Variants in TIAM2 observed in about 807,000 individuals in gnomAD.
TIAM2 encodes the protein rho guanine nucleotide exchange factor TIAM2.
TIAM2 carries 80 observed loss-of-function variants against 152.9 expected under a neutral mutation model. The observed-to-expected ratio is 0.52, with a 90% CI of 0.44 to 0.63. The LOEUF is 0.63. TIAM2 is among the 30% of genes least tolerant of loss of function. The pLI is 0.00. For synonymous variants in TIAM2, 804 were observed against 838.0 expected, an observed-to-expected ratio of 0.96 and a Z score of 0.70; for missense variants, 1,965 against 2,120.1, an observed-to-expected ratio of 0.93 and a Z score of 1.44.
intron 14 of TIAM2, among the ~76,000 whole-genome samples, chr6:155,202,035 TAA>T (rs5881125): frequency 6.6e-6 from 1 of 151,984 alleles, no homozygotes; most frequent in East Asian, 1.9e-4. Context: ...GTCATAACAA[TAA>T]AAAAAAATGC....
At chr6:155,253,740 G>A (rs1414798894) in intron 24 of TIAM2, 6 of 461,516 alleles carry the variant, frequency 1.3e-5, no homozygotes, top group Admixed American at 7.9e-5. Context: ...GAGAGAGGGT[G>A]AAGGCAGTTC....
At chr6:155,090,699 G>A (rs554448606) in intron 2 of TIAM2, among the ~76,000 whole-genome samples, 5 of 152,078 alleles carry the variant, frequency 3.3e-5, no homozygotes, top group Non-Finnish European at 2.9e-5. Flanking sequence ...TTTAGTTTCC[G>A]TCCTTTTATG....
intron 11 of TIAM2, 101 bp from the exon 12 acceptor site, chr6:155,179,277 A>G: frequency 6.9e-7 from 1 of 1,441,860 alleles, no homozygotes; most frequent in Non-Finnish European, 9.7e-7. Context: ...TATAAACGGT[A>G]TCTTAACAGC....
At chr6:155,147,998 A>G (rs576879164) in intron 6 of TIAM2, 112 bp from the exon 7 acceptor site, 37 of 1,000,844 alleles carry the variant, frequency 3.7e-5, no homozygotes, top group East Asian at 1.9e-4. Flanking sequence ...AGCAGCTTGT[A>G]TGCAGTGCAA....
At chr6:155,044,951 A>G (rs1254526546) in intron 1 of TIAM2, among the ~76,000 whole-genome samples, 1 of 150,986 alleles carries the variant, frequency 6.6e-6, no homozygotes, top group Non-Finnish European at 1.5e-5. Flanking sequence ...AGCACGGTGC[A>G]TTTTATTTCT....
At chr6:155,201,414 GGTAA>G (rs1164415152) in intron 14 of TIAM2, among the ~76,000 whole-genome samples, 6 of 152,172 alleles carry the variant, frequency 3.9e-5, no homozygotes, top group Admixed American at 6.5e-5. Context: ...CATGCCTGAA[GGTAA>G]GTAAGTGTGG....
intron 1 of TIAM2, among the ~76,000 whole-genome samples, chr6:155,025,684 A>G (rs1318133685): frequency 6.6e-6 from 1 of 152,106 alleles, no homozygotes; most frequent in Non-Finnish European, 1.5e-5. Flanking sequence ...ATCAAAGTTG[A>G]AATTAATTTC....
chr6:155,008,469 TCCAGGTCTCTGAA>T (rs889615178), intron 1 of TIAM2, among the ~76,000 whole-genome samples: 3 of 152,258 alleles, frequency 2.0e-5, no homozygotes, highest in African/African-American at 7.2e-5. Flanking sequence ...CCTACTCATT[TCCAGGTCTCTGAA>T]CCAGGTTTTC....
intron 14 of TIAM2, among the ~76,000 whole-genome samples, chr6:155,192,218 C>T (rs1470563573): frequency 6.6e-6 from 1 of 152,138 alleles, no homozygotes; most frequent in African/African-American, 2.4e-5. Context: ...TAGAACACAG[C>T]CCTGTGGCCT....
chr6:155,069,415 A>T (rs1777783711), intron 1 of TIAM2, among the ~76,000 whole-genome samples: 1 of 151,614 alleles, frequency 6.6e-6, no homozygotes, highest in South Asian at 2.1e-4. Flanking sequence ...TTTATAGTAG[A>T]TTTTCCATTG....
chr6:155,235,654 A>G (rs1023217212), intron 15 of TIAM2, among the ~76,000 whole-genome samples: 1 of 152,222 alleles, frequency 6.6e-6, no homozygotes, highest in Non-Finnish European at 1.5e-5. Context: ...AGTAATCCTC[A>G]CCAACTCCCT....
At chr6:155,029,455 T>TATAATATATAG (rs1484006742) in intron 1 of TIAM2, among the ~76,000 whole-genome samples, 1 of 41,752 alleles carries the variant, frequency 2.4e-5, no homozygotes, top group Non-Finnish European at 4.3e-5. Flanking sequence ...ATAGTATATA[T>TATAATATATAG]TATATATAAT....
rs1467008851 is a variant in TIAM2, at chr6:155,218,555, T to C, written c.3168+7248T>C. Among the ~76,000 whole-genome samples the C allele has an allele frequency of 4.6e-5, 7 of 152,222 alleles. No individual in the cohort carries two copies. Among genetic ancestry groups the C allele is most frequent in the African/African-American group, 1.7e-4 (7 of 41,450 alleles). On this transcript the variant is annotated intron_variant, in intron 15 of 26. Transcript: ENST00000682666. The surrounding 1 kb of genome is among the most constrained non-coding windows in gnomAD (Gnocchi z 4.5). ...ACATAACACCACCACCAACCCAGTG[T>C]TGTCAAAGGAATCACGTGAGATTAT...
At position 155,137,113 on chromosome 6, in the gene TIAM2, G is replaced by C. The variant is rs1013204846; in HGVS notation, c.1195-64G>C. The C allele has an allele frequency of 1.9e-6, 3 of 1,541,120 alleles. No individual in the cohort carries two copies. The African/African-American group carries it at 4.1e-5, about 21-fold the overall frequency. The stretch of plus-strand genomic sequence containing the variant: ...GCCACTGGTATTACACTTATGCTGT[G>C]TGCAAGAAGGGATGCTTTGGATAGC... On this transcript the variant is annotated intron_variant, in intron 4 of 26. Coordinates refer to ENST00000682666, the MANE Select transcript of TIAM2 (RefSeq NM_012454.4).
chr6:155,201,389 C>T (rs1198536804), intron 14 of TIAM2, among the ~76,000 whole-genome samples: 7 of 152,144 alleles, frequency 4.6e-5, no homozygotes, highest in South Asian at 2.1e-4. Flanking sequence ...GTTTGAAGTA[C>T]GGTATTGTCT....
intron 14 of TIAM2, among the ~76,000 whole-genome samples, chr6:155,206,278 C>A (rs763213522): frequency 6.6e-6 from 1 of 152,158 alleles, no homozygotes. Context: ...GATGGAATCT[C>A]GCTCTGTCGC....
At chr6:155,052,962 T>C (rs1292524920) in intron 1 of TIAM2, among the ~76,000 whole-genome samples, 3 of 152,222 alleles carry the variant, frequency 2.0e-5, no homozygotes, top group African/African-American at 7.2e-5. Flanking sequence ...TCTAGGAGAA[T>C]TGCGTTATTA....
At chr6:155,158,890 G>A (rs1780192696) in intron 7 of TIAM2, among the ~76,000 whole-genome samples, 1 of 151,834 alleles carries the variant, frequency 6.6e-6, no homozygotes, top group Non-Finnish European at 1.5e-5. Context: ...GGATGTCTTG[G>A]ATTAAAAGGA....
chr6:155,254,732 C>T (rs374751948), intron 26 of TIAM2, 159 bp downstream of exon 26: 59 of 923,542 alleles, frequency 6.4e-5, no homozygotes, highest in East Asian at 4.8e-4. Flanking sequence ...TGCTCCCAGA[C>T]GTTCTACTGT....
Sources: gnomAD v4.1 joint callset for allele counts (sites outside exome capture counted in the v4.1 genomes callset) on GRCh38, gnomAD v4.1.1 for gene constraint, Gnocchi (gnomAD v3.1) non-coding constraint, MANE v1.5 for transcripts, NCBI Gene and HGNC (gene_info 2026-07-23, HGNC 2026-07-21) for gene names.